Variants in APOO observed in about 807,000 individuals in gnomAD.
The protein encoded by APOO is MICOS complex subunit MIC26.
Under a neutral mutation model 23.1 loss-of-function variants are expected in APOO, and 11 were observed. That is an observed-to-expected ratio of 0.48 (90% confidence interval 0.30 to 0.79). The LOEUF (loss-of-function observed/expected upper bound fraction) is 0.79. Ranked by LOEUF, APOO falls within the 30% of genes least tolerant of loss-of-function variation. The pLI is 0.07. For synonymous variants in APOO, 59 were observed against 54.8 expected (o/e 1.08, Z -0.34); for missense variants, 160 against 142.7 (o/e 1.12, Z -0.62).
At chrX:23,868,797 A>G (rs1458981154) in intron 4 of APOO, 109 bp from the exon 5 acceptor site, 1 of 461,208 alleles carries the variant, frequency 2.2e-6, no homozygotes, top group African/African-American at 2.4e-5. Flanking sequence ...GTGCTTTTCA[A>G]ACCACATATT....
At position 23,907,663 on chromosome X, in the gene APOO, T is replaced by C. The variant is rs375808796; in HGVS notation, c.9+31A>G. 1.9e-4 allele frequency: 212 copies of C among 1,145,755 alleles called. 1 individual carries two copies. In the African/African-American group the frequency reaches 3.5e-3, roughly 19 times the overall value. 94.4% of individuals were successfully genotyped at this position (1,145,755 alleles called of 1,213,427 possible). ...GGCTCGGGCGGCCGGGAGGGGGCGGTGACAGCTGTGACTCGACTCCACGCT... is the reference window on the plus strand; with the variant it reads ...GGCTCGGGCGGCCGGGAGGGGGCGGCGACAGCTGTGACTCGACTCCACGCT... On this transcript the variant is annotated intron_variant, in intron 1 of 8. Transcript: ENST00000379226.
chrX:23,889,245 C>T (rs1048803141), intron 1 of APOO, among the ~76,000 whole-genome samples: 24 of 111,779 alleles, frequency 2.1e-4, no homozygotes, highest in Admixed American at 1.4e-3. Flanking sequence ...CTGGTAAGGT[C>T]GTAAACAAAC....
chrX:23,874,606 T>C, intron 3 of APOO, 149 bp from the exon 4 acceptor site: 1 of 463,150 alleles, frequency 2.2e-6, no homozygotes. Flanking sequence ...TCTGGGTCTT[T>C]TTGTTTGTTT....
chrX:23,877,984 T>A lies in APOO; in HGVS notation c.237+931A>T, dbSNP rs755240892. 2.7e-5 allele frequency among the ~76,000 whole-genome samples: 3 copies of A among 111,963 alleles called. No individual in the cohort carries two copies. The South Asian group carries it at 1.1e-3, about 41-fold the overall frequency. On this transcript the variant is annotated intron_variant, in intron 3 of 8. Coordinates refer to ENST00000379226, the MANE Select transcript of APOO (RefSeq NM_024122.5). ...ATGTTAAAAATCACAGAAATACTTT[T>A]CATTTACGTAATGACAAATGCCTGA...
chrX:23,883,854 A>C (rs1478218865), intron 1 of APOO: 3 of 111,995 alleles, frequency 2.7e-5, no homozygotes, highest in African/African-American at 9.7e-5. Context: ...TGGGGCACCT[A>C]AGAAGTGGGC....
At chrX:23,848,957 C>T (rs373145299) in intron 7 of APOO, among the ~76,000 whole-genome samples, 2 of 104,788 alleles carry the variant, frequency 1.9e-5, no homozygotes, top group East Asian at 3.0e-4. Context: ...CCTGGGTTCA[C>T]GCCATTCTCC....
intron 1 of APOO, among the ~76,000 whole-genome samples, chrX:23,891,858 T>A (rs1248256449): frequency 9.2e-6 from 1 of 109,240 alleles, no homozygotes; most frequent in African/African-American, 3.3e-5. Flanking sequence ...TATAGACTTA[T>A]ACATACTATA....
At chrX:23,863,735 A>G (rs890299844) in intron 5 of APOO, among the ~76,000 whole-genome samples, 5 of 110,958 alleles carry the variant, frequency 4.5e-5, no homozygotes, top group African/African-American at 1.6e-4. Context: ...TAAACCCAAG[A>G]AAGTGTGAAG....
chrX:23,847,497 G>A (rs1207764672), intron 7 of APOO, among the ~76,000 whole-genome samples: 2 of 109,636 alleles, frequency 1.8e-5, no homozygotes, highest in African/African-American at 6.6e-5. Context: ...GTGGTGACGC[G>A]TGCCTGTAGT....
intron 7 of APOO, among the ~76,000 whole-genome samples, chrX:23,853,551 G>A (rs1377326868): frequency 3.7e-5 from 4 of 109,457 alleles, no homozygotes; most frequent in African/African-American, 6.6e-5. Context: ...CTCGTGATCC[G>A]CCCACCTCGG....
intron 8 of APOO, among the ~76,000 whole-genome samples, chrX:23,838,255 T>C (rs1456519997): frequency 2.2e-5 from 2 of 90,520 alleles, no homozygotes; most frequent in African/African-American, 8.5e-5. Context: ...CTTGGGAGGC[T>C]GAGGCAGGAG....
At chrX:23,895,057 G>A (rs776783118) in intron 1 of APOO, among the ~76,000 whole-genome samples, 4 of 108,900 alleles carry the variant, frequency 3.7e-5, no homozygotes, top group Admixed American at 9.9e-5. Flanking sequence ...AGAATCGCTC[G>A]AACCCAGGAG....
chrX:23,900,776 T>C (rs1419319407), intron 1 of APOO, among the ~76,000 whole-genome samples: 1 of 110,160 alleles, frequency 9.1e-6, no homozygotes, highest in Non-Finnish European at 1.9e-5. Context: ...TACAGAGCAG[T>C]TTTTTCTTCG....
intron 8 of APOO, chrX:23,836,610 G>T: frequency 1.4e-6 from 1 of 717,094 alleles, no homozygotes; most frequent in Non-Finnish European, 2.0e-6. Context: ...ACCACGCCCA[G>T]CCCCAGCCTA....
intron 8 of APOO, chrX:23,836,765 T>C: frequency 1.1e-5 from 9 of 809,243 alleles, no homozygotes; most frequent in South Asian, 2.4e-5. Flanking sequence ...TGCTGAACAG[T>C]TCCTTTTTCA....
chrX:23,889,972 T>C (rs1267746326), intron 1 of APOO, among the ~76,000 whole-genome samples: 2 of 111,169 alleles, frequency 1.8e-5, no homozygotes, highest in Non-Finnish European at 3.8e-5. Context: ...ACCTGGGGAA[T>C]TTTTTAAAAG....
chrX:23,868,991 C>T (rs1045922431), intron 4 of APOO, among the ~76,000 whole-genome samples: 18 of 107,856 alleles, frequency 1.7e-4, no homozygotes, highest in African/African-American at 5.4e-4. Flanking sequence ...TCACTGCAAC[C>T]TCTGCCTCCC....
At chrX:23,861,587 A>G (rs1213222641) in intron 5 of APOO, among the ~76,000 whole-genome samples, 1 of 106,077 alleles carries the variant, frequency 9.4e-6, no homozygotes, top group Non-Finnish European at 1.9e-5. Context: ...AAAAAGAGTT[A>G]AAACAGTGGG....
At chrX:23,870,411 A>C (rs1925555397) in intron 4 of APOO, among the ~76,000 whole-genome samples, 1 of 111,768 alleles carries the variant, frequency 8.9e-6, no homozygotes, top group Non-Finnish European at 1.9e-5. Context: ...GGAGAATGTA[A>C]GCTCCTTAAT....
Sources: gnomAD v4.1 joint callset for allele counts (sites outside exome capture counted in the v4.1 genomes callset) on GRCh38, gnomAD v4.1.1 for gene constraint, MANE v1.5 for transcripts, NCBI Gene and HGNC (gene_info 2026-07-23, HGNC 2026-07-21) for gene names.